The following SGK1 variants were observed in gnomAD, a reference collection of about 807,000 sequenced individuals.
SGK1 encodes the protein serum/glucocorticoid regulated kinase 1.
Under a neutral mutation model 64.2 loss-of-function variants are expected in SGK1, and 26 were observed. That is an observed-to-expected ratio of 0.40 (90% CI 0.30 to 0.56). The LOEUF (loss-of-function observed/expected upper bound fraction) is 0.56, where lower values mean the gene tolerates loss of function less well. Among genes scored for constraint, SGK1 ranks in the 20% least tolerant of loss-of-function variants. The pLI is 0.38. For missense variants in SGK1, 519 were observed against 645.6 expected (o/e 0.80, Z 2.12); for synonymous variants, 265 against 239.7 (o/e 1.11, Z -0.98).
chr6:134,215,539 G>C (rs1250560307), intron 2 of SGK1, among the ~76,000 whole-genome samples: 1 of 152,108 alleles, frequency 6.6e-6, no homozygotes, highest in Non-Finnish European at 1.5e-5. Flanking sequence ...AAGCAGTTAT[G>C]GTCCTCTGTC....
chr6:134,297,966 G>A, intron 1 of SGK1: 1 of 810,644 alleles, frequency 1.2e-6, no homozygotes, highest in Non-Finnish European at 2.2e-6. Context: ...CATGTCCGGG[G>A]AGCGGCTGTT....
chr6:134,187,560 C>T lies in SGK1; in HGVS notation c.362-12974G>A, dbSNP rs183757996. Among the ~76,000 whole-genome samples the T allele has an allele frequency of 7.9e-5, 12 of 152,274 alleles. 1 individual carries two copies. In the East Asian group the frequency reaches 2.3e-3, roughly 29 times the overall value. ...ACCAGCCATGCAAAAAAATCATCACCGTAACTTCAAAAGGCCATTACACCA... is the reference window on the plus strand; with the variant it reads ...ACCAGCCATGCAAAAAAATCATCACTGTAACTTCAAAAGGCCATTACACCA... On this transcript the variant is annotated intron_variant, in intron 3 of 13. Transcript: ENST00000367858.
chr6:134,278,314 C>G (rs889423638), intron 1 of SGK1, among the ~76,000 whole-genome samples: 1 of 152,164 alleles, frequency 6.6e-6, no homozygotes, highest in Admixed American at 6.5e-5. Context: ...TAATTTTATG[C>G]CCTTAAGGGC....
At chr6:134,174,206 C>T in intron 4 of SGK1, 126 bp from the exon 5 acceptor site, 1 of 671,278 alleles carries the variant, frequency 1.5e-6, no homozygotes, top group East Asian at 2.6e-5. Flanking sequence ...TGAAAATACC[C>T]CAATACATTA....
Position 134,207,360 on chromosome 6 carries a change from A to G in SGK1, c.357T>C (p.Asp119=), listed in dbSNP as rs1775810647. The change falls in exon 3 of 14, where the codon GAT becomes GAC. Residue 119 remains aspartate, a synonymous_variant. Transcript: ENST00000367858. ...PDPRTFWTND[D]PAFMKQRRMG... ...GTTGTATTTTTCCAATAATACCTGG[A>G]TCATCATTAGTCCAGAAGGTTCTTG... 2 of 1,602,440 alleles carry G rather than the reference A, an allele frequency of 1.2e-6. No individual in the cohort carries two copies. The highest frequency in any genetic ancestry group is 1.3e-5 in the African/African-American group (1 of 74,838).
intron 1 of SGK1, chr6:134,298,087 C>G (rs780006795): frequency 4.2e-5 from 55 of 1,322,724 alleles, no homozygotes; most frequent in Non-Finnish European, 5.8e-5. Context: ...CCAGGTGAGA[C>G]TCCAGCTCTA....
chr6:134,250,860 ACCT>A (rs1398412401), intron 2 of SGK1, among the ~76,000 whole-genome samples: 1 of 151,994 alleles, frequency 6.6e-6, no homozygotes, highest in Non-Finnish European at 1.5e-5. Flanking sequence ...TGCAGACTTG[ACCT>A]CCTGGGCTCA....
intron 2 of SGK1, among the ~76,000 whole-genome samples, chr6:134,259,250 G>C (rs1281404068): frequency 1.3e-5 from 2 of 152,152 alleles, no homozygotes; most frequent in African/African-American, 4.8e-5. Flanking sequence ...AGGCCCTCAA[G>C]TAAACATTTA....
intron 3 of SGK1, among the ~76,000 whole-genome samples, chr6:134,198,546 A>G (rs986150137): frequency 1.6e-4 from 24 of 152,020 alleles, no homozygotes; most frequent in Non-Finnish European, 8.8e-5. Flanking sequence ...CTCTGCTTGT[A>G]TTAATCCAAT....
Position 134,298,368 on chromosome 6 carries a change from C to A in SGK1, c.69+19024G>T, listed in dbSNP as rs530380815. On this transcript the variant is annotated intron_variant, in intron 1 of 13. Transcript: ENST00000367858. The stretch of plus-strand genomic sequence containing the variant: ...GCATCTTGTTCTGCTGCTCCAGGAA[C>A]CGTACCTTGCCTATGAAGGAGGCAA... 4.6e-6 allele frequency: 7 copies of A among 1,515,054 alleles called. No homozygotes were observed. The Admixed American group carries it at 1.2e-4, about 25-fold the overall frequency. 93.9% of individuals were successfully genotyped at this position (1,515,054 alleles called of 1,614,324 possible).
At chr6:134,248,734 A>G (rs894287981) in intron 2 of SGK1, among the ~76,000 whole-genome samples, 4 of 152,276 alleles carry the variant, frequency 2.6e-5, no homozygotes, top group South Asian at 2.1e-4. Flanking sequence ...ATCTCAACAT[A>G]GAGAACTCCC....
At chr6:134,297,195 C>T in intron 1 of SGK1, 1 of 798,024 alleles carries the variant, frequency 1.3e-6, no homozygotes, top group Non-Finnish European at 2.1e-6. Flanking sequence ...CGTATGGATA[C>T]TCACATTCTG....
At chr6:134,244,029 C>A (rs1776487700) in intron 2 of SGK1, among the ~76,000 whole-genome samples, 1 of 151,846 alleles carries the variant, frequency 6.6e-6, no homozygotes, top group Non-Finnish European at 1.5e-5. Flanking sequence ...GCAGAACATG[C>A]AGGTTTGTTA....
Position 134,262,084 on chromosome 6 carries a change from T to A in SGK1, c.134A>T (p.Tyr45Phe), listed in dbSNP as rs762961084. Residue 45 changes from tyrosine (Y) to phenylalanine (F), a missense_variant, in exon 2 of 14, where the codon TAC becomes TTC. This residue lies in a region of SGK1 where 241 missense variants were observed against 236.9 expected (regional missense o/e 1.02). Coordinates refer to ENST00000367858, the MANE Select transcript of SGK1 (RefSeq NM_001143676.3). ...GATGTGCACCATGGAGGAGCCGGTG[T>A]ACTTCAGGCTGGGACTCTGATGCTT... is the stretch of plus-strand genomic sequence containing the variant. ...VDKHQSPSLK[Y>F]TGSSMVHIPP... The A allele has an allele frequency of 3.1e-6, 5 of 1,612,990 alleles. No individual in the cohort carries two copies. In the South Asian group the frequency reaches 5.5e-5, roughly 18 times the overall value.
At chr6:134,309,876 TA>T (rs1310386555) in intron 1 of SGK1, among the ~76,000 whole-genome samples, 2 of 152,116 alleles carry the variant, frequency 1.3e-5, no homozygotes, top group East Asian at 1.9e-4. Context: ...GACTTATTTC[TA>T]AAAAAAATTA....
At chr6:134,242,061 T>G (rs1439096501) in intron 2 of SGK1, among the ~76,000 whole-genome samples, 3 of 152,004 alleles carry the variant, frequency 2.0e-5, no homozygotes, top group African/African-American at 4.8e-5. Flanking sequence ...TGTGGCTAAG[T>G]GAGAAACAAG....
Position 134,170,033 on chromosome 6 carries a change from T to C in SGK1, c.*235A>G, listed in dbSNP as rs981115948. The stretch of plus-strand genomic sequence containing the variant: ...CTAAGGCGGCACTCTAACGCTCGTT[T>C]CAGAGATAGCACCACGTTGGAAGGA... On this transcript the variant is annotated 3_prime_UTR_variant, in exon 14 of 14. Transcript: ENST00000367858. The C allele has an allele frequency of 3.0e-6, 1 of 335,632 alleles. No homozygotes were observed. Among genetic ancestry groups the C allele is most frequent in the East Asian group, 4.7e-5 (1 of 21,202 alleles). The allele number at this position is 335,632 out of a possible 1,614,324, so 20.8% of individuals were successfully genotyped here. A position where few individuals can be genotyped will look rare whatever the true frequency, so the allele number is the denominator to read the frequency against.
intron 3 of SGK1, chr6:134,175,474 C>T: frequency 7.5e-7 from 1 of 1,337,370 alleles, no homozygotes; most frequent in Non-Finnish European, 9.6e-7. Context: ...CCGACGAAAG[C>T]CGGCCCCTGC....
At position 134,232,473 on chromosome 6, in the gene SGK1, AAGAAAGAAAG is replaced by A. The variant is rs1313546062; in HGVS notation, c.286-25052_286-25043del. Among the ~76,000 whole-genome samples, 45 of 96,190 alleles carry A rather than the reference AAGAAAGAAAG, an allele frequency of 4.7e-4. 3 individuals are homozygous for A. The highest frequency in any genetic ancestry group is 1.7e-3 in the African/African-American group (33 of 19,420). 63.1% of individuals were successfully genotyped at this position (96,190 alleles called of 152,430 possible). On this transcript the variant is annotated intron_variant, in intron 2 of 13. Coordinates refer to ENST00000367858, the MANE Select transcript of SGK1 (RefSeq NM_001143676.3). ...AAAGAAAGAAAGAAAGAAAGAAAGA[AAGAAAGAAAG>A]AGAAAGAAAAAGAAAAGAAAGAAGA...
Sources: allele counts gnomAD v4.1 joint callset (sites outside exome capture counted in the v4.1 genomes callset), GRCh38; gene constraint gnomAD v4.1.1; regional missense constraint gnomAD v4.1.1; transcripts MANE v1.5; gene names NCBI Gene and HGNC (gene_info 2026-07-23, HGNC 2026-07-21).